Variants in RCAN2 observed in about 807,000 individuals in gnomAD.
The protein encoded by RCAN2 is calcipressin-2.
In RCAN2, 9 loss-of-function variants were observed where a neutral mutation model predicts 23.6. That is an observed-to-expected ratio of 0.38 (90% CI 0.23 to 0.67). The LOEUF is 0.67. RCAN2 is among the 30% of genes least tolerant of loss of function. The pLI is 0.51. For synonymous variants in RCAN2, 109 were observed against 115.7 expected, an observed-to-expected ratio of 0.94 and a Z score of 0.37; for missense variants, 273 against 302.3, an observed-to-expected ratio of 0.90 and a Z score of 0.72.
chr6:46,237,479 T>C (rs546090415), intron 4 of RCAN2, among the ~76,000 whole-genome samples: 1 of 152,284 alleles, frequency 6.6e-6, no homozygotes, highest in East Asian at 1.9e-4. Flanking sequence ...TGGTAGCAGG[T>C]TGTGTTTTCC....
chr6:46,271,140 GC>G (rs1189900224), intron 2 of RCAN2, among the ~76,000 whole-genome samples: 2 of 152,182 alleles, frequency 1.3e-5, no homozygotes, highest in Non-Finnish European at 2.9e-5. Flanking sequence ...CTGTCTGCCT[GC>G]CTGCCTATCT....
chr6:46,409,244 G>A (rs1326127945), intron 2 of RCAN2, among the ~76,000 whole-genome samples: 3 of 151,728 alleles, frequency 2.0e-5, no homozygotes, highest in South Asian at 2.1e-4. Flanking sequence ...AATTGTACAG[G>A]TATATATGAA....
At chr6:46,276,099 G>A (rs530651618) in intron 2 of RCAN2, among the ~76,000 whole-genome samples, 6 of 152,208 alleles carry the variant, frequency 3.9e-5, no homozygotes, top group Admixed American at 6.5e-5. Flanking sequence ...CCAGCTACTC[G>A]GGAGGCTGAA....
chr6:46,286,961 CGCCGTTGTACTCTA>C (rs1034716250), intron 2 of RCAN2, among the ~76,000 whole-genome samples: 2 of 151,778 alleles, frequency 1.3e-5, no homozygotes, highest in Admixed American at 6.6e-5. Flanking sequence ...GCCGAGATCG[CGCCGTTGTACTCTA>C]GCCTGGGCAA....
intron 2 of RCAN2, among the ~76,000 whole-genome samples, chr6:46,291,952 G>A (rs1447648650): frequency 6.6e-6 from 1 of 152,212 alleles, no homozygotes; most frequent in Non-Finnish European, 1.5e-5. Flanking sequence ...TGTGCAGACA[G>A]TATTCGGCAA....
chr6:46,446,268 A>G (rs1767702739), intron 2 of RCAN2, among the ~76,000 whole-genome samples: 1 of 140,460 alleles, frequency 7.1e-6, no homozygotes, highest in African/African-American at 2.6e-5. Context: ...GGGATAATAT[A>G]TTCAAAGTGA....
At chr6:46,343,859 C>T (rs1264403636) in intron 2 of RCAN2, among the ~76,000 whole-genome samples, 2 of 152,056 alleles carry the variant, frequency 1.3e-5, no homozygotes, top group Non-Finnish European at 2.9e-5. Flanking sequence ...GAATGCTCTC[C>T]AACTGGTGAG....
intron 2 of RCAN2, among the ~76,000 whole-genome samples, chr6:46,331,173 C>T (rs569284723): frequency 6.6e-6 from 1 of 152,264 alleles, no homozygotes; most frequent in African/African-American, 2.4e-5. Context: ...TAAATATTTG[C>T]TTCTTTTCCT....
chr6:46,382,201 G>T (rs554446375), intron 2 of RCAN2, among the ~76,000 whole-genome samples: 2 of 152,252 alleles, frequency 1.3e-5, no homozygotes, highest in African/African-American at 2.4e-5. Flanking sequence ...TGTATGCTAT[G>T]ATTTGCACAC....
intron 2 of RCAN2, among the ~76,000 whole-genome samples, chr6:46,342,092 A>G (rs142942511): frequency 6.6e-6 from 1 of 152,286 alleles, no homozygotes; most frequent in Non-Finnish European, 1.5e-5. Context: ...TGACTGAGAT[A>G]TGTCTTTTGA....
At chr6:46,288,769 C>A (rs528630701) in intron 2 of RCAN2, among the ~76,000 whole-genome samples, 42 of 152,328 alleles carry the variant, frequency 2.8e-4, no homozygotes, top group African/African-American at 9.1e-4. Flanking sequence ...TTCTGTATCC[C>A]AGTTCTAATG....
At chr6:46,232,087 C>G (rs1765912759) in intron 4 of RCAN2, among the ~76,000 whole-genome samples, 1 of 152,190 alleles carries the variant, frequency 6.6e-6, no homozygotes, top group South Asian at 2.1e-4. Context: ...CAGAAGAAGA[C>G]AGTGACAGGA....
chr6:46,366,643 C>T (rs1734599344), intron 2 of RCAN2, among the ~76,000 whole-genome samples: 3 of 152,040 alleles, frequency 2.0e-5, no homozygotes, highest in African/African-American at 4.8e-5. Context: ...TCTGGCTTCT[C>T]ATCCTCCATC....
intron 4 of RCAN2, among the ~76,000 whole-genome samples, chr6:46,242,235 G>C (rs1250636423): frequency 6.6e-6 from 1 of 152,186 alleles, no homozygotes; most frequent in Non-Finnish European, 1.5e-5. Context: ...AAGTTTTCAG[G>C]AATTGGACTT....
At chr6:46,418,915 C>A (rs1338025618) in intron 2 of RCAN2, among the ~76,000 whole-genome samples, 1 of 151,554 alleles carries the variant, frequency 6.6e-6, no homozygotes, top group South Asian at 2.1e-4. Flanking sequence ...TGGTGAAACC[C>A]CGTCTCTACT....
Position 46,223,124 on chromosome 6 carries a change from GAGA to G in RCAN2, c.*14_*16del, listed in dbSNP as rs1765531537. The G allele has an allele frequency of 6.2e-7, 1 of 1,611,770 alleles. No homozygotes were observed. The highest frequency in any genetic ancestry group is 8.5e-7 in the Non-Finnish European group (1 of 1,179,548). On this transcript the variant is annotated 3_prime_UTR_variant, in exon 5 of 5. Transcript: ENST00000371374. ...TGATAAAGAGGAGACGGCTATTATCGAGAAGGAGCAGGCAGCTCAGTTGGACAC... is the reference window on the plus strand; with the variant it reads ...TGATAAAGAGGAGACGGCTATTATCGAGGAGCAGGCAGCTCAGTTGGACAC...
Position 46,275,158 on chromosome 6 carries a change from T to TCATCAC in RCAN2, c.226-26268_226-26263dup, listed in dbSNP as rs569701740. Among the ~76,000 whole-genome samples the TCATCAC allele has an allele frequency of 1.9e-3, 287 of 152,178 alleles. 1 individual carries two copies. The highest frequency in any genetic ancestry group is 4.8e-3 in the Admixed American group (73 of 15,276). ...CCCAGGCTGGAGTACAGTGGTGCAA[T>TCATCAC]CATCACCTTTTTTTTTTTTCCACAG... On this transcript the variant is annotated intron_variant, in intron 2 of 4. Transcript: ENST00000371374.
intron 2 of RCAN2, among the ~76,000 whole-genome samples, chr6:46,342,330 A>G (rs1764347712): frequency 1.3e-5 from 2 of 152,102 alleles, no homozygotes; most frequent in South Asian, 4.2e-4. Flanking sequence ...GACATCTGGT[A>G]TAGAAGGTGA....
At chr6:46,263,393 C>T (rs1360192904) in intron 2 of RCAN2, among the ~76,000 whole-genome samples, 2 of 151,942 alleles carry the variant, frequency 1.3e-5, no homozygotes, top group East Asian at 3.8e-4. Context: ...CTTTAATCTC[C>T]AATTCCTCTT....
Sources: allele counts gnomAD v4.1 joint callset (sites outside exome capture counted in the v4.1 genomes callset), GRCh38; gene constraint gnomAD v4.1.1; transcripts MANE v1.5; gene names NCBI Gene and HGNC (gene_info 2026-07-23, HGNC 2026-07-21).